The following SCARB2 variants were observed in gnomAD, a reference collection of about 807,000 sequenced individuals.
SCARB2 encodes the protein scavenger receptor class B member 2.
In SCARB2, 29 loss-of-function variants were observed where a neutral mutation model predicts 58.6. The observed-to-expected ratio is 0.49, with a 90% CI of 0.37 to 0.67. The LOEUF is 0.67. SCARB2 is among the 30% of genes least tolerant of loss of function. The pLI, the probability that SCARB2 is intolerant of heterozygous loss-of-function variation, is 0.00. For synonymous variants in SCARB2, 195 were observed against 210.1 expected (o/e 0.93, Z 0.62); for missense variants, 488 against 578.5 (o/e 0.84, Z 1.60).
At position 76,183,681 on chromosome 4, in the gene SCARB2, C is replaced by T. The variant is rs546383600; in HGVS notation, c.276-2580G>A. ...TAGGCATGATTGATTAAATCACTGG[C>T]CATTTGTGATCAACCCAACTTTCAG... On this transcript the variant is annotated intron_variant, in intron 2 of 11. Transcript: ENST00000264896. 3.3e-5 allele frequency among the ~76,000 whole-genome samples: 5 copies of T among 152,268 alleles called. No individual in the cohort carries two copies. The South Asian group carries it at 1.0e-3, about 32-fold the overall frequency.
chr4:76,179,977 A>G (rs1267374015), intron 3 of SCARB2: 1 of 475,298 alleles, frequency 2.1e-6, no homozygotes, highest in Non-Finnish European at 3.9e-6. Context: ...AAAAGGGGAA[A>G]AGCTCTTGTA....
intron 2 of SCARB2, among the ~76,000 whole-genome samples, chr4:76,183,804 T>C (rs1164805572): frequency 1.3e-5 from 2 of 152,200 alleles, no homozygotes; most frequent in Non-Finnish European, 2.9e-5. Context: ...CCAGGAGCCA[T>C]AGAGGCTGCC....
In SCARB2 at chr4:76,213,441, G is replaced by C. The variant is rs1560723409; in HGVS notation, c.103C>G (p.Gln35Glu). 10 of 1,609,418 alleles carry C rather than the reference G, an allele frequency of 6.2e-6. No individual in the cohort carries two copies. The highest frequency in any genetic ancestry group is 1.7e-5 in the Admixed American group (1 of 59,640). The change falls in exon 1 of 12, where the codon CAG becomes GAG. Residue 35 changes from glutamine to glutamate, a missense_variant. By Grantham distance (29) the Gln-to-Glu change is conservative. Transcript: ENST00000264896. ...CCCCGCCTCACCTTCTCGATACTCT[G>C]GTCTACAGCCTTCTGGAAGACCCGG... ...VARVFQKAVDQSIEKKIVLRN... is the reference protein window; with the variant it reads ...VARVFQKAVDESIEKKIVLRN...
At chr4:76,167,672 T>TCC (rs57676252) in intron 9 of SCARB2, among the ~76,000 whole-genome samples, 1 of 50,296 alleles carries the variant, frequency 2.0e-5, no homozygotes, top group Non-Finnish European at 3.8e-5. Flanking sequence ...CCTCCCTCCC[T>TCC]CCCCCCCCCC....
At chr4:76,176,692 G>A (rs1020615168) in intron 4 of SCARB2, 164 bp from the exon 5 acceptor site, 1 of 595,112 alleles carries the variant, frequency 1.7e-6, no homozygotes, top group African/African-American at 1.9e-5. Flanking sequence ...TTTAAGGGAG[G>A]TTACCCTCAA....
chr4:76,222,107 C>T (rs1733319550), intron 1 of SCARB2, among the ~76,000 whole-genome samples: 1 of 152,192 alleles, frequency 6.6e-6, no homozygotes, highest in Non-Finnish European at 1.5e-5. Flanking sequence ...TGGGCAGGCC[C>T]AATCCTTTAT....
At chr4:76,179,128 A>ACTG (rs1732326003) in intron 4 of SCARB2, 1 of 244,600 alleles carries the variant, frequency 4.1e-6, no homozygotes, top group African/African-American at 2.3e-5. Flanking sequence ...ATTTCAGCTC[A>ACTG]CTGCAACCTC....
intron 1 of SCARB2, among the ~76,000 whole-genome samples, chr4:76,206,269 T>C (rs543576151): frequency 6.6e-6 from 1 of 152,250 alleles, no homozygotes; most frequent in East Asian, 1.9e-4. Context: ...CCACCCAGTC[T>C]ATGCTATTTT....
At chr4:76,210,224 T>C (rs1733017182) in intron 1 of SCARB2, among the ~76,000 whole-genome samples, 1 of 152,240 alleles carries the variant, frequency 6.6e-6, no homozygotes, top group Admixed American at 6.5e-5. Flanking sequence ...ATCCTTATTG[T>C]TCCTATTTTC....
At chr4:76,207,621 A>T (rs1310496328) in intron 1 of SCARB2, among the ~76,000 whole-genome samples, 1 of 152,230 alleles carries the variant, frequency 6.6e-6, no homozygotes, top group Non-Finnish European at 1.5e-5. Context: ...TGGATTAAAA[A>T]TGGTCCCTTC....
chr4:76,212,029 A>G (rs1733056987), intron 1 of SCARB2, among the ~76,000 whole-genome samples: 1 of 152,200 alleles, frequency 6.6e-6, no homozygotes, highest in Non-Finnish European at 1.5e-5. Context: ...AGGGCTGGCT[A>G]TATGGGAACC....
intron 2 of SCARB2, among the ~76,000 whole-genome samples, chr4:76,182,569 T>C (rs573019938): frequency 6.6e-6 from 1 of 152,356 alleles, no homozygotes; most frequent in African/African-American, 2.4e-5. Flanking sequence ...AGGAAGGCAT[T>C]GGCCAGCTGG....
At chr4:76,188,524 C>G (rs1355182725) in intron 2 of SCARB2, among the ~76,000 whole-genome samples, 1 of 152,184 alleles carries the variant, frequency 6.6e-6, no homozygotes, top group African/African-American at 2.4e-5. Flanking sequence ...GGCCCTTCCC[C>G]ATCTCAGAGG....
chr4:76,231,930 C>T (rs1417857493), intron 1 of SCARB2, among the ~76,000 whole-genome samples: 2 of 152,344 alleles, frequency 1.3e-5, no homozygotes, highest in East Asian at 3.9e-4. Flanking sequence ...TAAAGGAAAG[C>T]ATACCCTTCC....
chr4:76,215,605 G>A (rs2109976452), upstream of SCARB2, among the ~76,000 whole-genome samples: 1 of 152,272 alleles, frequency 6.6e-6, no homozygotes, highest in African/African-American at 2.4e-5. Flanking sequence ...GAATACAGTG[G>A]AAATGACCAT....
intron 1 of SCARB2, among the ~76,000 whole-genome samples, chr4:76,232,615 T>C (rs985253189): frequency 4.6e-5 from 7 of 152,192 alleles, no homozygotes; most frequent in African/African-American, 1.2e-4. Context: ...TTTTGGAACA[T>C]GTATTAATAT....
At chr4:76,178,195 TACAG>T (rs1434981847) in intron 4 of SCARB2, among the ~76,000 whole-genome samples, 2 of 152,226 alleles carry the variant, frequency 1.3e-5, no homozygotes, top group Non-Finnish European at 2.9e-5. Flanking sequence ...TAAGGGCACA[TACAG>T]ACACTACATT....
At chr4:76,208,780 G>A (rs948606747) in intron 1 of SCARB2, among the ~76,000 whole-genome samples, 2 of 152,194 alleles carry the variant, frequency 1.3e-5, no homozygotes, top group Non-Finnish European at 2.9e-5. Flanking sequence ...GTTTGAGTAG[G>A]CCTCAACTCC....
chr4:76,199,807 A>C (rs1198778741), intron 1 of SCARB2, among the ~76,000 whole-genome samples: 2 of 152,214 alleles, frequency 1.3e-5, no homozygotes, highest in Non-Finnish European at 2.9e-5. Flanking sequence ...GAACCGAAAA[A>C]GGGAGAGTTC....
Sources: gnomAD v4.1 joint callset for allele counts (sites outside exome capture counted in the v4.1 genomes callset) on GRCh38, gnomAD v4.1.1 for gene constraint, MANE v1.5 for transcripts, NCBI Gene and HGNC (gene_info 2026-07-23, HGNC 2026-07-21) for gene names.